The following LRRC40 variants were observed in gnomAD, a reference collection of about 807,000 sequenced individuals.
LRRC40 encodes the protein leucine-rich repeat-containing protein 40.
A neutral mutation model predicts 72.8 loss-of-function variants in LRRC40; 76 were observed. That is an observed-to-expected ratio of 1.04 (90% CI 0.87 to 1.26). The LOEUF (loss-of-function observed/expected upper bound fraction) is 1.26, where lower values mean the gene tolerates loss of function less well. Ranked by LOEUF, LRRC40 falls within the 50% of genes most tolerant of loss-of-function variation. LRRC40 has a pLI of 0.00. For synonymous variants in LRRC40, 243 were observed against 254.2 expected (o/e 0.96, Z 0.42); for missense variants, 684 against 698.9 (o/e 0.98, Z 0.24).
chr1:70,180,877 A>G (rs1042749826), intron 5 of LRRC40, among the ~76,000 whole-genome samples: 4 of 152,136 alleles, frequency 2.6e-5, no homozygotes, highest in Non-Finnish European at 5.9e-5. Flanking sequence ...CTTCTTTTTC[A>G]TATGCCTAAG....
chr1:70,185,277 A>G (rs999685848), intron 3 of LRRC40, among the ~76,000 whole-genome samples: 1 of 152,220 alleles, frequency 6.6e-6, no homozygotes, highest in African/African-American at 2.4e-5. Flanking sequence ...GTGTCCCCAC[A>G]CAAATTTCAT....
chr1:70,179,198 A>C (rs1305963292), intron 5 of LRRC40, among the ~76,000 whole-genome samples: 3 of 152,142 alleles, frequency 2.0e-5, no homozygotes, highest in African/African-American at 7.2e-5. Context: ...GTAACATAAA[A>C]ATTATTACTT....
chr1:70,191,537 T>C (rs1459080593), intron 1 of LRRC40, among the ~76,000 whole-genome samples: 1 of 152,168 alleles, frequency 6.6e-6, no homozygotes, highest in Non-Finnish European at 1.5e-5. Flanking sequence ...ATGTTGATAC[T>C]GTACTATTAT....
intron 3 of LRRC40, among the ~76,000 whole-genome samples, chr1:70,186,847 G>A (rs1288673725): frequency 9.9e-5 from 15 of 151,986 alleles, no homozygotes; most frequent in Non-Finnish European, 1.5e-4. Flanking sequence ...GTTTAAAAAC[G>A]ACTACTAATA....
rs1177600597 is a variant in LRRC40 at position 70,145,226 on chromosome 1, AT to A, written c.*573del. 6.6e-6 allele frequency: 1 copy of A among 152,152 alleles called. No homozygotes were observed. Among genetic ancestry groups the A allele is most frequent in the African/African-American group, 2.4e-5 (1 of 41,458 alleles). 9.4% of individuals were successfully genotyped at this position (152,152 alleles called of 1,614,324 possible). A position where few individuals can be genotyped will look rare whatever the true frequency, so the allele number is the denominator to read the frequency against. On this transcript the variant is annotated 3_prime_UTR_variant, in exon 15 of 15. Transcript: ENST00000370952. ...TAATGAAAAGTCTTATTTTTAATATATTTTTGTTTCCTTTTTCTTTTGACAT... is the reference window on the plus strand; with the variant it reads ...TAATGAAAAGTCTTATTTTTAATATATTTTGTTTCCTTTTTCTTTTGACAT...
intron 10 of LRRC40, among the ~76,000 whole-genome samples, chr1:70,158,516 A>C (rs1667689509): frequency 6.6e-6 from 1 of 152,176 alleles, no homozygotes; most frequent in Non-Finnish European, 1.5e-5. Context: ...CAGTACTGAA[A>C]GGATACTTTA....
intron 1 of LRRC40, among the ~76,000 whole-genome samples, chr1:70,197,074 T>C (rs577112458): frequency 6.6e-6 from 1 of 152,306 alleles, no homozygotes; most frequent in East Asian, 1.9e-4. Flanking sequence ...ACGTTGGCAC[T>C]ATTCAATAGG....
At chr1:70,182,977 T>A (rs2100313111) in intron 4 of LRRC40, among the ~76,000 whole-genome samples, 1 of 152,270 alleles carries the variant, frequency 6.6e-6, no homozygotes, top group South Asian at 2.1e-4. Flanking sequence ...TGGACTCTTT[T>A]AAATCAACTG....
chr1:70,152,335 C>T (rs916662203), intron 12 of LRRC40, 98 bp downstream of exon 12: 6 of 655,818 alleles, frequency 9.1e-6, no homozygotes, highest in Admixed American at 3.0e-5. Flanking sequence ...AGTTTCCATA[C>T]ATACCTAGGA....
chr1:70,171,013 G>A (rs998030500), intron 9 of LRRC40, among the ~76,000 whole-genome samples: 4 of 152,192 alleles, frequency 2.6e-5, no homozygotes, highest in Admixed American at 2.6e-4. Flanking sequence ...CAGACATATA[G>A]ATCAACAGAA....
intron 14 of LRRC40, among the ~76,000 whole-genome samples, chr1:70,146,737 CT>C (rs904223387): frequency 1.3e-5 from 2 of 152,194 alleles, no homozygotes; most frequent in African/African-American, 2.4e-5. Context: ...GCTCCACCCC[CT>C]GCCTCCCAAA....
chr1:70,166,628 GC>G (rs1221181204), intron 9 of LRRC40, among the ~76,000 whole-genome samples: 3 of 150,294 alleles, frequency 2.0e-5, no homozygotes, highest in Non-Finnish European at 2.9e-5. Context: ...CAGTACTTTA[GC>G]CCAAGAAACA....
intron 9 of LRRC40, among the ~76,000 whole-genome samples, chr1:70,173,239 AC>A (rs1668035463): frequency 6.6e-6 from 1 of 152,048 alleles, no homozygotes; most frequent in South Asian, 2.1e-4. Context: ...GGCAGACTTA[AC>A]ACAATTCAAA....
chr1:70,171,187 T>C (rs1297349169), intron 9 of LRRC40, among the ~76,000 whole-genome samples: 3 of 152,058 alleles, frequency 2.0e-5, no homozygotes, highest in Non-Finnish European at 4.4e-5. Context: ...TACCTCACAC[T>C]GCATATAAAA....
intron 9 of LRRC40, among the ~76,000 whole-genome samples, chr1:70,165,360 A>G (rs568358217): frequency 6.6e-6 from 1 of 152,240 alleles, no homozygotes. Flanking sequence ...AATAAGCTTT[A>G]AAAGAGAACA....
intron 14 of LRRC40, 102 bp downstream of exon 14, chr1:70,148,385 C>A: frequency 1.1e-6 from 1 of 939,840 alleles, no homozygotes; most frequent in Non-Finnish European, 1.6e-6. Context: ...GATATTAAAT[C>A]TGTTACTTTA....
At chr1:70,165,499 T>G (rs1054372192) in intron 9 of LRRC40, among the ~76,000 whole-genome samples, 2 of 152,232 alleles carry the variant, frequency 1.3e-5, no homozygotes, top group Non-Finnish European at 2.9e-5. Flanking sequence ...GCTTCTGGAT[T>G]GTTCAGTTTC....
At chr1:70,161,704 C>T (rs1667767940) in intron 9 of LRRC40, among the ~76,000 whole-genome samples, 2 of 152,038 alleles carry the variant, frequency 1.3e-5, no homozygotes, top group Admixed American at 1.3e-4. Context: ...GCACTGATCA[C>T]TCTGCCTCTC....
chr1:70,153,572 A>G (rs141945458), intron 11 of LRRC40, among the ~76,000 whole-genome samples: 321 of 152,352 alleles, frequency 2.1e-3, no homozygotes, highest in African/African-American at 7.4e-3. Flanking sequence ...AATCTGGCCT[A>G]GAGAAACAAT....
Sources: allele counts gnomAD v4.1 joint callset (sites outside exome capture counted in the v4.1 genomes callset), GRCh38; gene constraint gnomAD v4.1.1; transcripts MANE v1.5; gene names NCBI Gene and HGNC (gene_info 2026-07-23, HGNC 2026-07-21).